MTMR2: variants seen among roughly 807,000 people sequenced by gnomAD.
The protein encoded by MTMR2 is myotubularin related protein 2, also known as phosphatidylinositol-3,5-bisphosphate 3-phosphatase MTMR2.
Under a neutral mutation model 86.9 loss-of-function variants are expected in MTMR2, and 55 were observed. That is an observed-to-expected ratio of 0.63 (90% CI 0.51 to 0.79). The LOEUF is 0.79. MTMR2 is among the 30% of genes least tolerant of loss of function. The pLI, the probability that MTMR2 is intolerant of heterozygous loss-of-function variation, is 0.00. For missense variants in MTMR2, 659 were observed against 772.3 expected (o/e 0.85, Z 1.74); for synonymous variants, 241 against 266.8 (o/e 0.90, Z 0.94).
chr11:95,911,361 C>T (rs1266838824), intron 1 of MTMR2, among the ~76,000 whole-genome samples: 1 of 152,140 alleles, frequency 6.6e-6, no homozygotes, highest in African/African-American at 2.4e-5. Flanking sequence ...AAATAATTTA[C>T]ATATGTCTGT....
rs545842161 is a variant in MTMR2 at position 95,899,524 on chromosome 11, T to C, written c.81-11263A>G. Reference sequence around the variant, plus strand: ...GTGATATGAGTGTTCTATGAAGATATAAGTGTGATACAACAATGTTATATA... The same window carrying C: ...GTGATATGAGTGTTCTATGAAGATACAAGTGTGATACAACAATGTTATATA... On this transcript the variant is annotated intron_variant, in intron 1 of 14. Transcript: ENST00000346299. 7.0e-4 allele frequency among the ~76,000 whole-genome samples: 106 copies of C among 152,132 alleles called. 1 individual carries two copies. The highest frequency in any genetic ancestry group is 6.7e-3 in the South Asian group (32 of 4,812).
At chr11:95,867,032 T>C (rs1864640459) in intron 2 of MTMR2, among the ~76,000 whole-genome samples, 1 of 152,110 alleles carries the variant, frequency 6.6e-6, no homozygotes, top group African/African-American at 2.4e-5. Flanking sequence ...CTACTGTTAA[T>C]AAAAGTTCAA....
At chr11:95,871,307 C>T (rs985523392) in intron 2 of MTMR2, among the ~76,000 whole-genome samples, 5 of 152,164 alleles carry the variant, frequency 3.3e-5, no homozygotes, top group African/African-American at 7.2e-5. Context: ...CCTGAGGAAT[C>T]GCCACACTGA....
At chr11:95,910,244 G>A (rs1212333948) in intron 1 of MTMR2, among the ~76,000 whole-genome samples, 1 of 151,876 alleles carries the variant, frequency 6.6e-6, no homozygotes, top group Non-Finnish European at 1.5e-5. Flanking sequence ...GTAACCGTTA[G>A]AAAAGTATTG....
chr11:95,836,836 A>C (rs1387254103), intron 13 of MTMR2, among the ~76,000 whole-genome samples: 2 of 151,970 alleles, frequency 1.3e-5, no homozygotes, highest in Non-Finnish European at 2.9e-5. Flanking sequence ...TAGAGACAAA[A>C]ACATTAGTGT....
chr11:95,844,832 G>A (rs1269521383), intron 11 of MTMR2, 121 bp downstream of exon 11: 3 of 917,250 alleles, frequency 3.3e-6, no homozygotes, highest in Admixed American at 2.0e-5. Context: ...AAGCAAAAAC[G>A]TTTACCCCAC....
chr11:95,836,315 T>TAAA lies in MTMR2; in HGVS notation c.1602_1603insTTT (p.Pro534_Lys535insPhe). On this transcript the variant is annotated inframe_insertion, in exon 14 of 15. Coordinates refer to ENST00000346299, the MANE Select transcript of MTMR2 (RefSeq NM_016156.6). ...TAAGACCACAGTGACACAGTCCTTT[T>TAAA]AGGAAGATTCTGTAGGCAGGAAAAA... The TAAA allele has an allele frequency of 1.2e-6, 2 of 1,612,654 alleles. No homozygotes were observed. Among genetic ancestry groups the TAAA allele is most frequent in the Non-Finnish European group, 1.7e-6 (2 of 1,178,940 alleles).
intron 6 of MTMR2, 98 bp downstream of exon 6, chr11:95,858,433 G>A: frequency 2.5e-6 from 2 of 806,660 alleles, no homozygotes; most frequent in Non-Finnish European, 4.4e-6. Context: ...TGTCAAAGCA[G>A]GGATGTAAAT....
intron 1 of MTMR2, among the ~76,000 whole-genome samples, chr11:95,896,829 C>T (rs1865895243): frequency 6.6e-6 from 1 of 151,296 alleles, no homozygotes; most frequent in African/African-American, 2.4e-5. Flanking sequence ...TGTCCCATTC[C>T]CATCAAAAGA....
chr11:95,918,553 G>C (rs1365881860), intron 1 of MTMR2, among the ~76,000 whole-genome samples: 1 of 152,138 alleles, frequency 6.6e-6, no homozygotes, highest in Non-Finnish European at 1.5e-5. Flanking sequence ...TCTTATCTAA[G>C]AGAACTTAGA....
intron 1 of MTMR2, among the ~76,000 whole-genome samples, chr11:95,910,337 A>C (rs1197824220): frequency 6.6e-6 from 1 of 152,196 alleles, no homozygotes; most frequent in Non-Finnish European, 1.5e-5. Context: ...ACCTGAAGGT[A>C]CTTCACAGCA....
intron 2 of MTMR2, among the ~76,000 whole-genome samples, chr11:95,876,193 C>A (rs1308164711): frequency 6.6e-6 from 1 of 152,208 alleles, no homozygotes; most frequent in Non-Finnish European, 1.5e-5. Flanking sequence ...GCCCTGCCCC[C>A]AGAGGTGGAG....
intron 7 of MTMR2, among the ~76,000 whole-genome samples, chr11:95,852,576 C>T (rs1446749574): frequency 1.3e-5 from 2 of 152,182 alleles, no homozygotes; most frequent in African/African-American, 2.4e-5. Context: ...ATCTTGCTCC[C>T]TGTGGTCTAC....
At chr11:95,849,455 C>T (rs554085362) in intron 9 of MTMR2, among the ~76,000 whole-genome samples, 31 of 152,206 alleles carry the variant, frequency 2.0e-4, no homozygotes, top group Non-Finnish European at 4.4e-4. Flanking sequence ...CCCAAAACAA[C>T]ACTGTTAACT....
intron 11 of MTMR2, among the ~76,000 whole-genome samples, chr11:95,843,922 T>C (rs1054699733): frequency 3.3e-5 from 5 of 152,174 alleles, no homozygotes; most frequent in African/African-American, 1.2e-4. Flanking sequence ...CTATCCATAA[T>C]TGTTAACAAT....
intron 2 of MTMR2, among the ~76,000 whole-genome samples, chr11:95,866,056 C>G (rs1178795046): frequency 6.6e-6 from 1 of 152,030 alleles, no homozygotes; most frequent in African/African-American, 2.4e-5. Context: ...GTGTGTAGAT[C>G]TGAACTACAG....
intron 2 of MTMR2, among the ~76,000 whole-genome samples, chr11:95,876,838 A>G (rs1330691177): frequency 1.3e-5 from 2 of 151,786 alleles, no homozygotes; most frequent in African/African-American, 4.8e-5. Flanking sequence ...TCTCTTTCTC[A>G]CACACACAGG....
At chr11:95,856,675 T>C (rs879816720) in intron 7 of MTMR2, among the ~76,000 whole-genome samples, 7 of 152,186 alleles carry the variant, frequency 4.6e-5, no homozygotes, top group Non-Finnish European at 8.8e-5. Flanking sequence ...TGTATGGGTA[T>C]AGTTGTTCAT....
In MTMR2 at chr11:95,923,710, C is replaced by T. The variant is rs112880403; in HGVS notation, c.80+165G>A. The stretch of plus-strand genomic sequence containing the variant: ...TTTTAACCTCCTTTTCCTCAGCCTC[C>T]ACGCCCCAGGGAGGGAGGCAGAAGT... On this transcript the variant is annotated intron_variant, in intron 1 of 14. Transcript: ENST00000346299. 28,870 of 1,439,584 alleles carry T rather than the reference C, an allele frequency of 0.02. 593 individuals are homozygous for T. The highest frequency in any genetic ancestry group is 0.073 in the South Asian group (4,941 of 67,636). 89.2% of individuals were successfully genotyped at this position (1,439,584 alleles called of 1,614,324 possible).
Sources: allele counts gnomAD v4.1 joint callset (sites outside exome capture counted in the v4.1 genomes callset), GRCh38; gene constraint gnomAD v4.1.1; transcripts MANE v1.5; gene names NCBI Gene and HGNC (gene_info 2026-07-23, HGNC 2026-07-21).